Variants in WDPCP observed in about 807,000 individuals in gnomAD.
The protein encoded by WDPCP is WD repeat-containing and planar cell polarity effector protein fritz homolog.
Under a neutral mutation model 93.1 loss-of-function variants are expected in WDPCP, and 71 were observed. The observed-to-expected ratio is 0.76, with a 90% CI of 0.63 to 0.93. WDPCP has a LOEUF of 0.93. Ranked by LOEUF, WDPCP falls within the 40% of genes least tolerant of loss-of-function variation. The pLI, the probability that WDPCP is intolerant of heterozygous loss-of-function variation, is 0.00. For missense variants in WDPCP, 844 were observed against 887.4 expected, an observed-to-expected ratio of 0.95 and a Z score of 0.62; for synonymous variants, 315 against 315.0, an observed-to-expected ratio of 1.00 and a Z score of 0.00.
chr2:63,588,083 C>G (rs1575712071), intron 1 of WDPCP, 114 bp downstream of exon 1: 2 of 1,289,728 alleles, frequency 1.6e-6, no homozygotes, highest in Middle Eastern at 2.2e-4. Flanking sequence ...GAAAAGGGAC[C>G]GGCGAGCTTG....
chr2:63,694,534 C>A (rs1054608327), intron 2 of WDPCP, among the ~76,000 whole-genome samples: 3 of 152,014 alleles, frequency 2.0e-5, no homozygotes, highest in Admixed American at 2.0e-4. Flanking sequence ...AATTTAGGAG[C>A]CTTTTCAAGC....
intron 2 of WDPCP, among the ~76,000 whole-genome samples, chr2:63,783,438 A>C (rs969157752): frequency 1.3e-5 from 2 of 152,122 alleles, no homozygotes; most frequent in Non-Finnish European, 1.5e-5. Context: ...AAATTTTAAT[A>C]AATAAATAAT....
intron 12 of WDPCP, among the ~76,000 whole-genome samples, chr2:63,341,178 G>A (rs1688807016): frequency 6.6e-6 from 1 of 152,140 alleles, no homozygotes; most frequent in South Asian, 2.1e-4. Flanking sequence ...GCCCAGACTG[G>A]AGTGCAGTGG....
chr2:63,533,596 G>T (rs1375705348), intron 1 of WDPCP, among the ~76,000 whole-genome samples: 1 of 152,072 alleles, frequency 6.6e-6, no homozygotes, highest in Non-Finnish European at 1.5e-5. Context: ...TGAACAACCT[G>T]CTCCTAAATA....
intron 3 of WDPCP, among the ~76,000 whole-genome samples, chr2:63,637,496 A>G (rs1404486500): frequency 6.6e-6 from 1 of 151,912 alleles, no homozygotes; most frequent in Non-Finnish European, 1.5e-5. Context: ...AGAATGGGAG[A>G]AAATATATCT....
intron 1 of WDPCP, among the ~76,000 whole-genome samples, chr2:63,821,983 G>A (rs1671025383): frequency 1.3e-5 from 2 of 152,106 alleles, no homozygotes; most frequent in African/African-American, 4.8e-5. Context: ...GATTACGATT[G>A]TTGAGATATA....
At chr2:63,434,146 A>G (rs2292793) in intron 8 of WDPCP, among the ~76,000 whole-genome samples, 122,822 of 152,084 alleles carry the variant, frequency 0.81, 50,260 homozygotes, top group East Asian at 0.98. Context: ...CATTTTTAGC[A>G]AAGGAAGGAA....
At chr2:63,436,713 G>C (rs900899808) in intron 8 of WDPCP, among the ~76,000 whole-genome samples, 5 of 152,182 alleles carry the variant, frequency 3.3e-5, no homozygotes, top group African/African-American at 1.2e-4. Context: ...GTTGAAAAGA[G>C]GCCTTGAACT....
chr2:63,424,547 G>A (rs568605891), intron 9 of WDPCP, among the ~76,000 whole-genome samples: 1 of 152,288 alleles, frequency 6.6e-6, no homozygotes, highest in East Asian at 1.9e-4. Flanking sequence ...GGAGCACTTT[G>A]ACTGCCCCAA....
intron 1 of WDPCP, among the ~76,000 whole-genome samples, chr2:63,567,786 T>G (rs917994761): frequency 2.6e-5 from 4 of 152,210 alleles, no homozygotes; most frequent in African/African-American, 9.7e-5. Context: ...CTGATGTTTC[T>G]TAAGGGCAGA....
At chr2:63,828,834 C>A (rs1159757276), upstream of WDPCP, among the ~76,000 whole-genome samples, 1 of 152,104 alleles carries the variant, frequency 6.6e-6, no homozygotes, top group African/African-American at 2.4e-5. Context: ...TCTTGTGAGC[C>A]TTAAATAATC....
intron 1 of WDPCP, among the ~76,000 whole-genome samples, chr2:63,572,726 AGT>A (rs1707622330): frequency 3.5e-5 from 5 of 144,758 alleles, no homozygotes; most frequent in African/African-American, 5.0e-5. Flanking sequence ...AAAAAAAAAA[AGT>A]TGGACAGCAT....
intron 2 of WDPCP, among the ~76,000 whole-genome samples, chr2:63,688,000 T>C (rs938526887): frequency 6.6e-6 from 1 of 152,218 alleles, no homozygotes; most frequent in South Asian, 2.1e-4. Context: ...GGAGTACTAT[T>C]CAGCATAAAA....
At chr2:63,224,653 G>A (rs1355988108) in intron 14 of WDPCP, among the ~76,000 whole-genome samples, 1 of 152,000 alleles carries the variant, frequency 6.6e-6, no homozygotes, top group Non-Finnish European at 1.5e-5. Flanking sequence ...AAGGCTGTAT[G>A]ATTCCAACTA....
intron 2 of WDPCP, among the ~76,000 whole-genome samples, chr2:63,696,751 G>A (rs1668966423): frequency 6.6e-6 from 1 of 152,194 alleles, no homozygotes; most frequent in Non-Finnish European, 1.5e-5. Flanking sequence ...TCTTAGGTTA[G>A]GAATCCAGGT....
intron 9 of WDPCP, among the ~76,000 whole-genome samples, chr2:63,413,786 AAAAC>A (rs35156273): frequency 1.7e-3 from 260 of 150,620 alleles, no homozygotes; most frequent in African/African-American, 4.5e-3. Context: ...TCTGTCTCAA[AAAAC>A]AAACAAACAA....
At chr2:63,607,547 A>AG (rs1456735055) in intron 3 of WDPCP, among the ~76,000 whole-genome samples, 2 of 149,992 alleles carry the variant, frequency 1.3e-5, no homozygotes, top group Non-Finnish European at 3.0e-5. Context: ...AAAAAAGAAG[A>AG]GGACTGGGCG....
intron 3 of WDPCP, chr2:63,597,630 T>G (rs1389610162): frequency 2.0e-5 from 27 of 1,323,974 alleles, no homozygotes; most frequent in Admixed American, 3.0e-5. Context: ...AAACTTATGC[T>G]TTTAGCATTT....
chr2:63,323,662 T>A (rs1687296628), intron 12 of WDPCP, among the ~76,000 whole-genome samples: 2 of 152,260 alleles, frequency 1.3e-5, no homozygotes, highest in South Asian at 4.2e-4. Context: ...AACAGGTGAA[T>A]GCTTAGGACT....
Sources: allele counts gnomAD v4.1 joint callset (sites outside exome capture counted in the v4.1 genomes callset), GRCh38; gene constraint gnomAD v4.1.1; transcripts MANE v1.5; gene names NCBI Gene and HGNC (gene_info 2026-07-23, HGNC 2026-07-21).